The following UPF2 variants were observed in gnomAD, a reference collection of about 807,000 sequenced individuals.
UPF2 encodes regulator of nonsense transcripts 2.
In UPF2, 17 loss-of-function variants were observed where a neutral mutation model predicts 141.4. The ratio of observed to expected loss-of-function variants is 0.12; its 90% CI spans 0.08 to 0.18. UPF2 has a LOEUF of 0.18. Among genes scored for constraint, UPF2 ranks in the 10% least tolerant of loss-of-function variants. The probability of loss-of-function intolerance (pLI) is 1.00; values close to 1 mark genes in which losing one functional copy is unlikely to be tolerated. For synonymous variants in UPF2, 540 were observed against 498.0 expected, an observed-to-expected ratio of 1.08 and a Z score of -1.12; for missense variants, 1,152 against 1,515.9, an observed-to-expected ratio of 0.76 and a Z score of 3.99.
At position 11,992,504 on chromosome 10, in the gene UPF2, A is replaced by C. The variant is rs1408916539; in HGVS notation, c.1844+5168T>G. ...AGACTGTCTAAATAAATAATCGCTA[A>C]GCAAACTTACAATCATAAAGTAATA... is the stretch of plus-strand genomic sequence containing the variant. On this transcript the variant is annotated intron_variant, in intron 8 of 21. Transcript: ENST00000357604. This position sits in a 1 kb window ranked among gnomAD's most constrained non-coding sequence, Gnocchi z 4.1. 6.6e-6 allele frequency among the ~76,000 whole-genome samples: 1 copy of C among 152,182 alleles called. No individual in the cohort carries two copies. Among genetic ancestry groups the C allele is most frequent in the Non-Finnish European group, 1.5e-5 (1 of 68,032 alleles).
chr10:11,995,760 G>C (rs533706828), intron 8 of UPF2, among the ~76,000 whole-genome samples: 2 of 152,152 alleles, frequency 1.3e-5, no homozygotes, highest in South Asian at 4.2e-4. Context: ...TCCAGCCTGG[G>C]CGACAAGTGA....
chr10:11,928,772 T>C (rs1004753400), intron 21 of UPF2: 1 of 300,912 alleles, frequency 3.3e-6, no homozygotes. Context: ...ATTTTCAAAT[T>C]CTTTATAGAG....
chr10:11,984,172 T>C (rs907952600), intron 8 of UPF2, among the ~76,000 whole-genome samples: 2 of 151,220 alleles, frequency 1.3e-5, no homozygotes, highest in African/African-American at 2.4e-5. Flanking sequence ...CCCGCCGCCT[T>C]TGCCTCCCAA....
rs1369833279 is a variant in UPF2 at position 11,940,733 on chromosome 10, T to C, written c.3378+1932A>G. On this transcript the variant is annotated intron_variant, in intron 18 of 21. Transcript: ENST00000357604. This position sits in a 1 kb window ranked among gnomAD's most constrained non-coding sequence, Gnocchi z 4.2. ...TTGCCATATGCTAGACAGCTGACTG[T>C]CATCTCTCACCTGAATCACTACAAA... Among the ~76,000 whole-genome samples, 1 of 152,198 alleles carries C rather than the reference T, an allele frequency of 6.6e-6. No individual in the cohort carries two copies. Among genetic ancestry groups the C allele is most frequent in the East Asian group, 1.9e-4 (1 of 5,200 alleles).
intron 3 of UPF2, among the ~76,000 whole-genome samples, chr10:12,027,597 G>A (rs993827194): frequency 1.2e-4 from 19 of 152,082 alleles, no homozygotes; most frequent in South Asian, 2.1e-4. Context: ...ACCAGTCCTC[G>A]CAAATCAAAA....
At chr10:12,007,917 G>A (rs1834062164) in intron 4 of UPF2, among the ~76,000 whole-genome samples, 1 of 149,830 alleles carries the variant, frequency 6.7e-6, no homozygotes, top group Non-Finnish European at 1.5e-5. Flanking sequence ...CTGACATGGA[G>A]TCTCGCTCTG....
intron 11 of UPF2, 137 bp downstream of exon 11, chr10:11,963,872 G>A: frequency 1.6e-6 from 1 of 620,172 alleles, no homozygotes; most frequent in South Asian, 2.5e-5. Context: ...TCATATGTAT[G>A]GGATGTTCCA....
rs546167608 is a variant in UPF2, at chr10:12,000,548, G to A, written c.1655-539C>T. On this transcript the variant is annotated intron_variant, in intron 6 of 21. Coordinates refer to ENST00000357604, the MANE Select transcript of UPF2 (RefSeq NM_015542.4). ...TAATGCCAGGGCCTTGGGAGGCTGAGGCAGGGGGATCACTTGAGGCCAGGA... is the reference window on the plus strand; with the variant it reads ...TAATGCCAGGGCCTTGGGAGGCTGAAGCAGGGGGATCACTTGAGGCCAGGA... 3.7e-4 allele frequency among the ~76,000 whole-genome samples: 57 copies of A among 152,298 alleles called. No individual in the cohort carries two copies. In the South Asian group the frequency reaches 0.011, roughly 30 times the overall value.
chr10:12,015,241 A>G (rs1436116045), intron 3 of UPF2, among the ~76,000 whole-genome samples: 1 of 152,244 alleles, frequency 6.6e-6, no homozygotes, highest in Non-Finnish European at 1.5e-5. Context: ...TCTTACAAAC[A>G]GTGAAGAAAA....
rs1403957598 is a variant in UPF2 at position 11,940,315 on chromosome 10, C to A, written c.3378+2350G>T. Among the ~76,000 whole-genome samples, 1 of 151,690 alleles carries A rather than the reference C, an allele frequency of 6.6e-6. No individual in the cohort carries two copies. Among genetic ancestry groups the A allele is most frequent in the African/African-American group, 2.4e-5 (1 of 40,990 alleles). ...TCCTTTGACTTCATCAGCTTTTCTA[C>A]CTTATTTCTAAATGTTAAGGTTCTT... On this transcript the variant is annotated intron_variant, in intron 18 of 21. Transcript: ENST00000357604. This position sits in a 1 kb window ranked among gnomAD's most constrained non-coding sequence, Gnocchi z 4.2.
At chr10:11,930,826 T>A (rs1832774295) in intron 20 of UPF2, among the ~76,000 whole-genome samples, 1 of 151,944 alleles carries the variant, frequency 6.6e-6, no homozygotes, top group African/African-American at 2.4e-5. Context: ...ATTCTACAAG[T>A]GAGATTAAAA....
chr10:11,992,726 G>C lies in UPF2; in HGVS notation c.1844+4946C>G, dbSNP rs567239944. Among the ~76,000 whole-genome samples the C allele has an allele frequency of 8.5e-5, 13 of 152,180 alleles. No individual in the cohort carries two copies. The highest frequency in any genetic ancestry group is 2.9e-4 in the African/African-American group (12 of 41,516). On this transcript the variant is annotated intron_variant, in intron 8 of 21. Coordinates refer to ENST00000357604, the MANE Select transcript of UPF2 (RefSeq NM_015542.4). This position sits in a 1 kb window ranked among gnomAD's most constrained non-coding sequence, Gnocchi z 4.1. ...AAACATACTTTCAGAATATGTCTGA[G>C]AGTAAAATTCAATTCAATTGTACAT...
intron 3 of UPF2, among the ~76,000 whole-genome samples, chr10:12,024,062 A>G (rs1164583061): frequency 6.6e-6 from 1 of 152,210 alleles, no homozygotes; most frequent in African/African-American, 2.4e-5. Context: ...GGAATCTTAA[A>G]TATCAGCTAG....
At chr10:11,930,553 G>A (rs1832770592) in intron 20 of UPF2, among the ~76,000 whole-genome samples, 2 of 152,162 alleles carry the variant, frequency 1.3e-5, no homozygotes, top group African/African-American at 4.8e-5. Context: ...GAGGCGGGAG[G>A]ACTGCTCAAG....
At chr10:11,982,254 C>A (rs1265334200) in intron 8 of UPF2, among the ~76,000 whole-genome samples, 2 of 152,094 alleles carry the variant, frequency 1.3e-5, no homozygotes, top group Non-Finnish European at 2.9e-5. Flanking sequence ...CTGCCATTGC[C>A]ACAATTTCAG....
rs58106776 is a variant in UPF2 at position 11,938,853 on chromosome 10, G to GTTTTTTTTTTT, written c.3379-2152_3379-2142dup. 6.8e-3 allele frequency among the ~76,000 whole-genome samples: 539 copies of GTTTTTTTTTTT among 79,804 alleles called. 88 individuals are homozygous for GTTTTTTTTTTT. The highest frequency in any genetic ancestry group is 9.3e-3 in the African/African-American group (186 of 20,086). The allele number at this position is 79,804 out of a possible 152,430, so 52.4% of individuals were successfully genotyped here. ...GTGGTCTTAAGCAAGTTTTTTTTTT[G>GTTTTTTTTTTT]TTTTTTTTTTTTTTTTTTTTTTTTT... On this transcript the variant is annotated intron_variant, in intron 18 of 21. Coordinates refer to ENST00000357604, the MANE Select transcript of UPF2 (RefSeq NM_015542.4).
intron 2 of UPF2, among the ~76,000 whole-genome samples, chr10:12,033,037 A>G (rs1349463529): frequency 6.6e-6 from 1 of 152,216 alleles, no homozygotes; most frequent in East Asian, 1.9e-4. Flanking sequence ...TAGAAGTCCT[A>G]AAGAACAACT....
chr10:11,940,672 C>T lies in UPF2; in HGVS notation c.3378+1993G>A, dbSNP rs1415544240. 6.6e-6 allele frequency among the ~76,000 whole-genome samples: 1 copy of T among 152,152 alleles called. No individual in the cohort carries two copies. The highest frequency in any genetic ancestry group is 1.5e-5 in the Non-Finnish European group (1 of 68,034). Reference sequence around the variant, plus strand: ...CAAATAAGCCAGGTCGTTCTACCTCCGAAATAGCTCAAATCCAGACTTCTC... The same window carrying T: ...CAAATAAGCCAGGTCGTTCTACCTCTGAAATAGCTCAAATCCAGACTTCTC... On this transcript the variant is annotated intron_variant, in intron 18 of 21. Transcript: ENST00000357604. The surrounding 1 kb of genome is among the most constrained non-coding windows in gnomAD (Gnocchi z 4.2).
At chr10:11,967,910 G>A (rs894592728) in intron 9 of UPF2, among the ~76,000 whole-genome samples, 4 of 152,108 alleles carry the variant, frequency 2.6e-5, no homozygotes, top group African/African-American at 9.7e-5. Context: ...GGCCGGGTGC[G>A]GTGGCTCACA....
Sources: allele counts gnomAD v4.1 joint callset (sites outside exome capture counted in the v4.1 genomes callset), GRCh38; gene constraint gnomAD v4.1.1; non-coding constraint Gnocchi (gnomAD v3.1); transcripts MANE v1.5; gene names NCBI Gene and HGNC (gene_info 2026-07-23, HGNC 2026-07-21).